SPINK9: variants seen among roughly 807,000 people sequenced by gnomAD.
SPINK9 encodes serine protease inhibitor Kazal-type 9.
SPINK9 carries 3 observed loss-of-function variants against 10.8 expected under a neutral mutation model. The ratio of observed to expected loss-of-function variants is 0.28; its 90% confidence interval spans 0.13 to 0.72. The LOEUF is 0.72. SPINK9 is among the 30% of genes least tolerant of loss of function. SPINK9 has a pLI of 0.74. For synonymous variants in SPINK9, 30 were observed against 31.2 expected (o/e 0.96, Z 0.12); for missense variants, 101 against 103.2 (o/e 0.98, Z 0.09).
At chr5:148,327,602 T>C (rs200019324) in intron 2 of SPINK9, among the ~76,000 whole-genome samples, 2,561 of 152,080 alleles carry the variant, frequency 0.017, 52 homozygotes, top group East Asian at 0.067. Flanking sequence ...CTGAATGGTA[T>C]TGCCTAGGTT....
At chr5:148,328,672 G>A (rs549336656) in intron 2 of SPINK9, among the ~76,000 whole-genome samples, 21 of 152,204 alleles carry the variant, frequency 1.4e-4, no homozygotes, top group South Asian at 8.3e-4. Context: ...TTTGAAATAC[G>A]TCCCATCAAT....
intron 2 of SPINK9, among the ~76,000 whole-genome samples, chr5:148,327,323 G>A (rs1259827089): frequency 6.6e-6 from 1 of 152,148 alleles, no homozygotes; most frequent in East Asian, 1.9e-4. Context: ...AGAAGCCTAT[G>A]TTCATATCCC....
At chr5:148,339,578 C>A in intron 3 of SPINK9, 89 bp from the exon 4 acceptor site, 1 of 1,133,356 alleles carries the variant, frequency 8.8e-7, no homozygotes, top group Non-Finnish European at 1.3e-6. Flanking sequence ...AACTTGAATA[C>A]ATTTTTGGGA....
intron 3 of SPINK9, 67 bp from the exon 4 acceptor site, chr5:148,339,600 A>G: frequency 7.2e-7 from 1 of 1,393,952 alleles, no homozygotes; most frequent in Admixed American, 1.7e-5. Context: ...TCATTAGTGA[A>G]GTTTGGATGC....
At chr5:148,332,725 G>C (rs1478700162), upstream of SPINK9, among the ~76,000 whole-genome samples, 1 of 152,188 alleles carries the variant, frequency 6.6e-6, no homozygotes, top group Admixed American at 6.5e-5. Flanking sequence ...CTAAAGTGAA[G>C]AGCTGGACTC....
At chr5:148,337,005 C>T (rs1216818865) in intron 2 of SPINK9, among the ~76,000 whole-genome samples, 2 of 152,076 alleles carry the variant, frequency 1.3e-5, no homozygotes, top group African/African-American at 4.8e-5. Context: ...CTGTGTGACA[C>T]TGGGGCCTGG....
intron 2 of SPINK9, among the ~76,000 whole-genome samples, chr5:148,324,854 G>A (rs972896706): frequency 2.0e-5 from 3 of 151,812 alleles, no homozygotes; most frequent in Non-Finnish European, 4.4e-5. Context: ...TAACAAAATT[G>A]TGCAATCATC....
chr5:148,325,896 C>G (rs1196196135), intron 2 of SPINK9, among the ~76,000 whole-genome samples: 3 of 152,038 alleles, frequency 2.0e-5, no homozygotes, highest in African/African-American at 7.2e-5. Context: ...TTTTCAGTTA[C>G]TTTTTATATG....
intron 2 of SPINK9, among the ~76,000 whole-genome samples, chr5:148,337,136 C>G (rs1285489236): frequency 6.6e-6 from 1 of 152,082 alleles, no homozygotes; most frequent in Non-Finnish European, 1.5e-5. Flanking sequence ...GATTTAGTAG[C>G]TGTGAGAGGA....
At chr5:148,328,071 C>T (rs537583331) in intron 2 of SPINK9, among the ~76,000 whole-genome samples, 26 of 152,150 alleles carry the variant, frequency 1.7e-4, no homozygotes, top group Non-Finnish European at 3.1e-4. Flanking sequence ...ATGGGGATGG[C>T]ATTGAATCTA....
At chr5:148,323,952 A>G in intron 2 of SPINK9, 1 of 613,858 alleles carries the variant, frequency 1.6e-6, no homozygotes, top group Admixed American at 2.5e-5. Flanking sequence ...ATCACCCCTA[A>G]TTAGACATGT....
At chr5:148,328,750 A>G (rs1452909626) in intron 2 of SPINK9, among the ~76,000 whole-genome samples, 2 of 152,270 alleles carry the variant, frequency 1.3e-5, no homozygotes, top group Admixed American at 6.5e-5. Context: ...TTCTGCATCT[A>G]TTGAGATAAT....
At chr5:148,323,989 G>A in intron 2 of SPINK9, 1 of 492,586 alleles carries the variant, frequency 2.0e-6, no homozygotes, top group Middle Eastern at 3.1e-4. Flanking sequence ...ATGAGATAAT[G>A]CATGCAAACA....
At chr5:148,327,156 C>T (rs1201116948) in intron 2 of SPINK9, among the ~76,000 whole-genome samples, 6 of 152,236 alleles carry the variant, frequency 3.9e-5, no homozygotes, top group African/African-American at 1.4e-4. Context: ...TATTTCTCCA[C>T]ATCCTCTCCA....
chr5:148,333,714 TC>T (rs1393443591), upstream of SPINK9, among the ~76,000 whole-genome samples: 1 of 152,164 alleles, frequency 6.6e-6, no homozygotes, highest in Non-Finnish European at 1.5e-5. Flanking sequence ...CCCAATTTGT[TC>T]CAGTGTCCAA....
At position 148,339,611 on chromosome 5, in the gene SPINK9, T is replaced by C. The variant is rs181976440; in HGVS notation, c.216-56T>C. ...GGATTCATTAGTGAAGTTTGGATGC[T>C]AATGAAATGCCTATGGGCTCAGCAT... On this transcript the variant is annotated intron_variant, in intron 3 of 3. Coordinates refer to ENST00000377906, the MANE Select transcript of SPINK9 (RefSeq NM_001040433.2). The C allele has an allele frequency of 3.2e-5, 48 of 1,494,950 alleles. No individual in the cohort carries two copies. In the African/African-American group the frequency reaches 5.7e-4, roughly 18 times the overall value. The allele number at this position is 1,494,950 out of a possible 1,614,324, so 92.6% of individuals were successfully genotyped here. A position where few individuals can be genotyped will look rare whatever the true frequency, so the allele number is the denominator to read the frequency against.
upstream of SPINK9, among the ~76,000 whole-genome samples, chr5:148,332,368 C>G (rs947416090): frequency 2.0e-5 from 3 of 152,218 alleles, no homozygotes; most frequent in Non-Finnish European, 4.4e-5. Flanking sequence ...CCAACACACA[C>G]ATATTACAAA....
intron 2 of SPINK9, among the ~76,000 whole-genome samples, chr5:148,326,543 T>C (rs1232799568): frequency 1.3e-5 from 2 of 152,174 alleles, no homozygotes; most frequent in Admixed American, 6.5e-5. Flanking sequence ...CTTTAAATTT[T>C]AGGGTACACG....
At chr5:148,329,728 G>GA (rs1757121663) in intron 2 of SPINK9, among the ~76,000 whole-genome samples, 1 of 152,124 alleles carries the variant, frequency 6.6e-6, no homozygotes, top group Non-Finnish European at 1.5e-5. Context: ...TGGTTTCAAA[G>GA]AACATCTTTA....
Sources: gnomAD v4.1 joint callset for allele counts (sites outside exome capture counted in the v4.1 genomes callset) on GRCh38, gnomAD v4.1.1 for gene constraint, MANE v1.5 for transcripts, NCBI Gene and HGNC (gene_info 2026-07-23, HGNC 2026-07-21) for gene names.